VPS13B: variants seen among roughly 807,000 people sequenced by gnomAD.
VPS13B encodes the protein vacuolar protein sorting 13 homolog B, also known as intermembrane lipid transfer protein VPS13B.
A neutral mutation model predicts 426.4 loss-of-function variants in VPS13B; 285 were observed. The ratio of observed to expected loss-of-function variants is 0.67; its 90% CI spans 0.61 to 0.74. VPS13B has a LOEUF of 0.74. Among genes scored for constraint, VPS13B ranks in the 30% least tolerant of loss-of-function variants. The pLI is 0.00. For synonymous variants in VPS13B, 1,676 were observed against 1,676.4 expected (o/e 1.00, Z 0.01); for missense variants, 4,537 against 4,782.6 (o/e 0.95, Z 1.51).
rs796537163 is a variant in VPS13B, at chr8:99,709,160, C to G, written c.6455-8011C>G. 2.5e-4 allele frequency among the ~76,000 whole-genome samples: 38 copies of G among 152,276 alleles called. 1 individual carries two copies. The highest frequency in any genetic ancestry group is 3.4e-3 in the Middle Eastern group (1 of 294). ...TATGCAAATCAGCTTCCGGATGTATCTAACACATGCTTGCTGATTTTCTAG... is the reference window on the plus strand; with the variant it reads ...TATGCAAATCAGCTTCCGGATGTATGTAACACATGCTTGCTGATTTTCTAG... On this transcript the variant is annotated intron_variant, in intron 36 of 61. Coordinates refer to ENST00000357162, the MANE Select transcript of VPS13B (RefSeq NM_152564.5).
At chr8:99,093,213 C>G (rs2132420987) in intron 3 of VPS13B, among the ~76,000 whole-genome samples, 1 of 151,952 alleles carries the variant, frequency 6.6e-6, no homozygotes, top group African/African-American at 2.4e-5. Flanking sequence ...GAAAGAACAG[C>G]ACTTGAAAAA....
At chr8:99,364,002 G>A (rs962434202) in intron 19 of VPS13B, among the ~76,000 whole-genome samples, 1 of 152,070 alleles carries the variant, frequency 6.6e-6, no homozygotes, top group Non-Finnish European at 1.5e-5. Flanking sequence ...AGAACTCTGT[G>A]GAATAATAGT....
At chr8:99,424,085 T>G (rs200290418) in intron 21 of VPS13B, among the ~76,000 whole-genome samples, 2 of 152,140 alleles carry the variant, frequency 1.3e-5, no homozygotes, top group Admixed American at 6.6e-5. Flanking sequence ...TATGAATCTG[T>G]GTGCTCCTGT....
intron 19 of VPS13B, among the ~76,000 whole-genome samples, chr8:99,375,662 AT>A (rs1394755205): frequency 2.0e-5 from 3 of 152,030 alleles, no homozygotes; most frequent in Non-Finnish European, 4.4e-5. Flanking sequence ...TGAAGTAGTG[AT>A]TCTTCTTTCA....
intron 16 of VPS13B, 82 bp downstream of exon 16, chr8:99,170,245 T>C: frequency 1.3e-6 from 2 of 1,514,594 alleles, no homozygotes; most frequent in Non-Finnish European, 1.8e-6. Flanking sequence ...ATCTGTCTTA[T>C]GCCCATGCTA....
chr8:99,094,044 T>C (rs1846305133), intron 3 of VPS13B: 1 of 152,244 alleles, frequency 6.6e-6, no homozygotes. Flanking sequence ...TTAAAATGTT[T>C]GTCATCTCAC....
intron 19 of VPS13B, among the ~76,000 whole-genome samples, chr8:99,301,789 T>C (rs1400640690): frequency 1.3e-5 from 2 of 151,962 alleles, no homozygotes; most frequent in African/African-American, 2.4e-5. Context: ...AATAAAATGG[T>C]TTTGTTTTTG....
chr8:99,642,435 C>T lies in VPS13B; in HGVS notation c.5845C>T (p.Arg1949Ter), dbSNP rs180177365. 6.2e-6 allele frequency: 10 copies of T among 1,613,946 alleles called. No individual in the cohort carries two copies. Among genetic ancestry groups the T allele is most frequent in the Admixed American group, 3.3e-5 (2 of 59,982 alleles). ...LLLSCHHRKQ[R>*]VEVSIFDAVL... ...TCTGAGTTGTCACCACAGAAAGCAG[C>T]GAGTGGAAGTATCCATTTTTGATGC... Residue 1949 changes from arginine to a stop codon, truncating the protein, a stop_gained, in exon 34 of 62, where the codon CGA becomes TGA. Transcript: ENST00000357162. LOFTEE classifies it high-confidence loss of function.
chr8:99,595,807 A>G (rs947144762), intron 33 of VPS13B, among the ~76,000 whole-genome samples: 6 of 152,010 alleles, frequency 3.9e-5, no homozygotes, highest in Non-Finnish European at 8.8e-5. Flanking sequence ...CTTATAACTC[A>G]GGAATAAAAA....
intron 44 of VPS13B, among the ~76,000 whole-genome samples, chr8:99,816,854 G>T (rs1458169464): frequency 6.6e-6 from 1 of 151,928 alleles, no homozygotes; most frequent in Non-Finnish European, 1.5e-5. Flanking sequence ...TTAGATATCT[G>T]CATCAAAGAT....
rs59727162 is a variant in VPS13B, at chr8:99,209,566, AT to A, written c.2515+16525del. On this transcript the variant is annotated intron_variant, in intron 17 of 61. Coordinates refer to ENST00000357162, the MANE Select transcript of VPS13B (RefSeq NM_152564.5). ...ACTATTATGAATTATTTTAATAACA[AT>A]TTTTTTTTTTTTTTTACTTTGTAGA... The A allele has an allele frequency of 0.1, 22,536 of 223,898 alleles. 4 individuals carry two copies. The highest frequency in any genetic ancestry group is 0.19 in the South Asian group (3,468 of 17,982). 13.9% of individuals were successfully genotyped at this position (223,898 alleles called of 1,614,324 possible). A position where few individuals can be genotyped will look rare whatever the true frequency, so the allele number is the denominator to read the frequency against.
chr8:99,343,883 A>G (rs1274537685), intron 19 of VPS13B, among the ~76,000 whole-genome samples: 2 of 152,206 alleles, frequency 1.3e-5, no homozygotes, highest in Non-Finnish European at 2.9e-5. Flanking sequence ...TATTATGAAA[A>G]CATGTGTACT....
intron 28 of VPS13B, among the ~76,000 whole-genome samples, chr8:99,509,194 T>C (rs962718159): frequency 2.0e-5 from 3 of 152,194 alleles, no homozygotes; most frequent in Non-Finnish European, 2.9e-5. Context: ...TCTCCATCTG[T>C]TATTGCTCAT....
chr8:99,762,213 A>T (rs568184682), intron 39 of VPS13B, among the ~76,000 whole-genome samples: 53 of 152,116 alleles, frequency 3.5e-4, no homozygotes, highest in African/African-American at 1.2e-3. Flanking sequence ...TCCTGTAGAG[A>T]CAGGGTCTTA....
intron 19 of VPS13B, among the ~76,000 whole-genome samples, chr8:99,357,242 C>T (rs1488195631): frequency 6.6e-6 from 1 of 152,162 alleles, no homozygotes; most frequent in African/African-American, 2.4e-5. Context: ...AGTTCATCTC[C>T]TTTTTCACTG....
At chr8:99,849,479 C>T (rs1816149645) in intron 55 of VPS13B, among the ~76,000 whole-genome samples, 2 of 152,136 alleles carry the variant, frequency 1.3e-5, no homozygotes. Context: ...CAAAGAAATG[C>T]TAATTTATCA....
At chr8:99,795,566 C>T (rs1047838865) in intron 43 of VPS13B, among the ~76,000 whole-genome samples, 1 of 152,158 alleles carries the variant, frequency 6.6e-6, no homozygotes, top group African/African-American at 2.4e-5. Context: ...GTAGTTAAAG[C>T]AATAAGCACT....
At chr8:99,521,620 G>A (rs1047068514) in intron 30 of VPS13B, among the ~76,000 whole-genome samples, 12 of 152,286 alleles carry the variant, frequency 7.9e-5, no homozygotes, top group Admixed American at 1.3e-4. Flanking sequence ...ACTGAAGTTG[G>A]CACTGCTGCC....
chr8:99,856,428 G>A (rs1816548920), intron 56 of VPS13B, among the ~76,000 whole-genome samples: 1 of 152,270 alleles, frequency 6.6e-6, no homozygotes, highest in African/African-American at 2.4e-5. Flanking sequence ...AGAGCTGGCT[G>A]CAGGTGGGCA....
Sources: gnomAD v4.1 joint callset for allele counts (sites outside exome capture counted in the v4.1 genomes callset) on GRCh38, gnomAD v4.1.1 for gene constraint, MANE v1.5 for transcripts, NCBI Gene and HGNC (gene_info 2026-07-23, HGNC 2026-07-21) for gene names.